The following ANKFN1 variants were observed in gnomAD, a reference collection of about 807,000 sequenced individuals.
ANKFN1 encodes ankyrin repeat and fibronectin type III domain containing 1, also known as ankyrin repeat and fibronectin type-III domain-containing protein 1.
A neutral mutation model predicts 108.7 loss-of-function variants in ANKFN1; 74 were observed. The ratio of observed to expected loss-of-function variants is 0.68; its 90% CI spans 0.56 to 0.83. The LOEUF (loss-of-function observed/expected upper bound fraction) is 0.83. Among genes scored for constraint, ANKFN1 ranks in the 40% least tolerant of loss-of-function variants. ANKFN1 has a pLI of 0.00. For missense variants in ANKFN1, 1,505 were observed against 1,382.3 expected, an observed-to-expected ratio of 1.09 and a Z score of -1.41; for synonymous variants, 547 against 516.2, an observed-to-expected ratio of 1.06 and a Z score of -0.81.
chr17:56,287,615 A>G (rs1240197737), intron 3 of ANKFN1, among the ~76,000 whole-genome samples: 1 of 152,210 alleles, frequency 6.6e-6, no homozygotes, highest in Non-Finnish European at 1.5e-5. Flanking sequence ...CTGGGCCACA[A>G]CAAACAAAAG....
chr17:56,379,989 T>A (rs1443430266), intron 8 of ANKFN1, among the ~76,000 whole-genome samples: 2 of 152,240 alleles, frequency 1.3e-5, no homozygotes, highest in Non-Finnish European at 2.9e-5. Flanking sequence ...ACGCGCATTG[T>A]CTCTTACAAA....
At chr17:56,145,830 A>G (rs780606711) in intron 4 of ANKFN1, among the ~76,000 whole-genome samples, 6 of 152,220 alleles carry the variant, frequency 3.9e-5, no homozygotes, top group Non-Finnish European at 7.3e-5. Flanking sequence ...CTCAGCTGAG[A>G]CAAGGCAAGT....
intron 4 of ANKFN1, among the ~76,000 whole-genome samples, chr17:56,081,717 C>T (rs1325476845): frequency 6.6e-6 from 1 of 152,104 alleles, no homozygotes; most frequent in Non-Finnish European, 1.5e-5. Flanking sequence ...TTGATTCTTC[C>T]CTTAGGGTAA....
At chr17:56,214,843 G>A (rs373508803) in intron 2 of ANKFN1, among the ~76,000 whole-genome samples, 1 of 151,890 alleles carries the variant, frequency 6.6e-6, no homozygotes, top group African/African-American at 2.4e-5. Flanking sequence ...TGTCCTCTGT[G>A]GAAAAAAATG....
chr17:56,371,733 C>G (rs1375237500), intron 6 of ANKFN1, among the ~76,000 whole-genome samples: 1 of 152,168 alleles, frequency 6.6e-6, no homozygotes, highest in Non-Finnish European at 1.5e-5. Context: ...ATATGCATAA[C>G]AGCCATGAGG....
chr17:56,505,996 A>C (rs1048838027), intron 20 of ANKFN1, among the ~76,000 whole-genome samples: 36 of 152,068 alleles, frequency 2.4e-4, no homozygotes, highest in African/African-American at 7.7e-4. Flanking sequence ...GCCCCCAAAA[A>C]CTATGTCCAT....
chr17:56,229,444 T>C (rs1167745474), intron 3 of ANKFN1, among the ~76,000 whole-genome samples: 1 of 152,068 alleles, frequency 6.6e-6, no homozygotes, highest in African/African-American at 2.4e-5. Context: ...GGTAGCTCTT[T>C]ACCATACTGT....
At chr17:56,391,580 C>T (rs2047439732) in intron 8 of ANKFN1, among the ~76,000 whole-genome samples, 1 of 151,870 alleles carries the variant, frequency 6.6e-6, no homozygotes. Context: ...GCATGTGCCA[C>T]CATGCCCTGC....
intron 3 of ANKFN1, among the ~76,000 whole-genome samples, chr17:56,280,984 G>A (rs2044066434): frequency 6.6e-6 from 1 of 152,136 alleles, no homozygotes; most frequent in African/African-American, 2.4e-5. Context: ...CCCTGCACAA[G>A]CTCTCTTCTC....
At chr17:56,440,117 TTTC>T (rs2145157614) in intron 8 of ANKFN1, among the ~76,000 whole-genome samples, 1 of 152,336 alleles carries the variant, frequency 6.6e-6, no homozygotes, top group South Asian at 2.1e-4. Context: ...TTATTATTCT[TTTC>T]TGCTCTTCTT....
chr17:56,069,630 G>GA (rs1269665168), intron 4 of ANKFN1, among the ~76,000 whole-genome samples: 1 of 152,138 alleles, frequency 6.6e-6, no homozygotes, highest in Non-Finnish European at 1.5e-5. Flanking sequence ...AGGTGGCTTA[G>GA]AAAACAGAAA....
At chr17:56,354,083 G>C (rs760918142) in intron 6 of ANKFN1, 37 bp downstream of exon 6, 1 of 1,598,170 alleles carries the variant, frequency 6.3e-7, no homozygotes, top group East Asian at 2.2e-5. Flanking sequence ...TACTATTAAA[G>C]CCAGATTCCA....
intron 4 of ANKFN1, among the ~76,000 whole-genome samples, chr17:56,131,130 AT>A (rs1287610556): frequency 2.0e-5 from 3 of 152,210 alleles, no homozygotes; most frequent in Non-Finnish European, 4.4e-5. Flanking sequence ...CTGTCAGAAA[AT>A]TCCAGGCAGA....
intron 8 of ANKFN1, among the ~76,000 whole-genome samples, chr17:56,384,437 C>T (rs1483275761): frequency 6.6e-6 from 1 of 152,216 alleles, no homozygotes; most frequent in Non-Finnish European, 1.5e-5. Context: ...GATGCCCTCT[C>T]ACCACTCCTA....
At chr17:56,401,388 G>T (rs199720991) in intron 8 of ANKFN1, among the ~76,000 whole-genome samples, 2 of 125,802 alleles carry the variant, frequency 1.6e-5, no homozygotes, top group African/African-American at 5.6e-5. Context: ...GTTGTGTTGT[G>T]TTGTGTTGTG....
At chr17:56,208,011 A>G (rs11654608) in intron 1 of ANKFN1, among the ~76,000 whole-genome samples, 14 of 151,846 alleles carry the variant, frequency 9.2e-5, no homozygotes, top group African/African-American at 3.4e-4. Flanking sequence ...CAAGATTTCT[A>G]TTTTTTCTTA....
chr17:56,249,709 A>G (rs959567828), intron 3 of ANKFN1, among the ~76,000 whole-genome samples: 1 of 152,222 alleles, frequency 6.6e-6, no homozygotes, highest in Non-Finnish European at 1.5e-5. Context: ...GATCTCAGAC[A>G]TGGACCCATA....
At chr17:56,180,503 A>G (rs776941824) in intron 1 of ANKFN1, among the ~76,000 whole-genome samples, 7 of 152,182 alleles carry the variant, frequency 4.6e-5, no homozygotes, top group African/African-American at 7.2e-5. Context: ...TATTATAGAG[A>G]TGACACTACT....
chr17:56,264,541 T>C lies in ANKFN1; in HGVS notation c.53+36584T>C, dbSNP rs148249746. The stretch of plus-strand genomic sequence containing the variant: ...CTCCTTTTCTATTGATTTGGGAACA[T>C]TTCCCACACATATCTCATGTTCCCT... On this transcript the variant is annotated intron_variant, in intron 3 of 20. Transcript: ENST00000682825. 1.1e-3 allele frequency among the ~76,000 whole-genome samples: 160 copies of C among 152,334 alleles called. 1 individual carries two copies. The highest frequency in any genetic ancestry group is 1.7e-3 in the Non-Finnish European group (114 of 68,028).
Sources: gnomAD v4.1 joint callset for allele counts (sites outside exome capture counted in the v4.1 genomes callset) on GRCh38, gnomAD v4.1.1 for gene constraint, MANE v1.5 for transcripts, NCBI Gene and HGNC (gene_info 2026-07-23, HGNC 2026-07-21) for gene names.